The following MARCHF1 variants were observed in gnomAD, a reference collection of about 807,000 sequenced individuals.
MARCHF1 encodes E3 ubiquitin-protein ligase MARCHF1.
A neutral mutation model predicts 54.2 loss-of-function variants in MARCHF1; 40 were observed. The observed-to-expected ratio is 0.74, with a 90% confidence interval of 0.57 to 0.96. The LOEUF (loss-of-function observed/expected upper bound fraction) is 0.96. Ranked by LOEUF, MARCHF1 falls within the 40% of genes least tolerant of loss-of-function variation. MARCHF1 has a pLI of 0.00. For missense variants in MARCHF1, 586 were observed against 656.5 expected, an observed-to-expected ratio of 0.89 and a Z score of 1.17; for synonymous variants, 236 against 236.3, an observed-to-expected ratio of 1.00 and a Z score of 0.01.
chr4:163,587,820 A>T (rs11726386), intron 7 of MARCHF1, among the ~76,000 whole-genome samples: 48,299 of 148,530 alleles, frequency 0.33, 9,067 homozygotes, highest in Non-Finnish European at 0.42. Context: ...AAACTTTTTA[A>T]AAAAATCTAC....
At chr4:163,566,057 C>T (rs1431749347) in intron 8 of MARCHF1, among the ~76,000 whole-genome samples, 1 of 152,178 alleles carries the variant, frequency 6.6e-6, no homozygotes, top group Non-Finnish European at 1.5e-5. Context: ...GCAAGCACCC[C>T]TTTGTGGCAC....
intron 2 of MARCHF1, among the ~76,000 whole-genome samples, chr4:164,102,822 A>G (rs1755599373): frequency 7.5e-6 from 1 of 134,104 alleles, no homozygotes; most frequent in African/African-American, 3.0e-5. Context: ...AGACTGGCAA[A>G]TTGGATAAAG....
At chr4:164,250,030 A>T (rs1733078222) in intron 1 of MARCHF1, among the ~76,000 whole-genome samples, 1 of 152,096 alleles carries the variant, frequency 6.6e-6, no homozygotes, top group South Asian at 2.1e-4. Flanking sequence ...GAGGTAGTTG[A>T]AGTTATCTGC....
chr4:164,007,263 G>A lies in MARCHF1; in HGVS notation c.-247-18554C>T, dbSNP rs139413184. On this transcript the variant is annotated intron_variant, in intron 2 of 9. Coordinates refer to ENST00000514618, the MANE Select transcript of MARCHF1 (RefSeq NM_001394959.1). ...CGGGAGGCTGAGGCAGGAGAATGGCGTGAACCCGGGAAGCAGATCTGGCAG... is the reference window on the plus strand; with the variant it reads ...CGGGAGGCTGAGGCAGGAGAATGGCATGAACCCGGGAAGCAGATCTGGCAG... Among the ~76,000 whole-genome samples, 1,155 of 146,838 alleles carry A rather than the reference G, an allele frequency of 7.9e-3. 74 individuals are homozygous for A. In the East Asian group the frequency reaches 0.15, roughly 19 times the overall value.
At chr4:164,302,595 C>G (rs9790805) in intron 1 of MARCHF1, among the ~76,000 whole-genome samples, 62,590 of 151,870 alleles carry the variant, frequency 0.41, 14,488 homozygotes, top group African/African-American at 0.6. Flanking sequence ...AGAATAATTT[C>G]AGTTGGGCAC....
At chr4:164,313,349 A>C (rs1323715409) in intron 1 of MARCHF1, among the ~76,000 whole-genome samples, 1 of 106,146 alleles carries the variant, frequency 9.4e-6, no homozygotes, top group Non-Finnish European at 1.8e-5. Flanking sequence ...ACTCTGTCTC[A>C]AAAAAAAAAA....
intron 2 of MARCHF1, among the ~76,000 whole-genome samples, chr4:164,068,514 C>G (rs1754781094): frequency 6.6e-6 from 1 of 152,174 alleles, no homozygotes; most frequent in African/African-American, 2.4e-5. Flanking sequence ...CCCGCCGGCC[C>G]CGAGCAGTGA....
chr4:163,859,351 T>G (rs918970057), intron 3 of MARCHF1, among the ~76,000 whole-genome samples: 2 of 151,384 alleles, frequency 1.3e-5, no homozygotes, highest in African/African-American at 2.4e-5. Flanking sequence ...ATTGAGGCAG[T>G]GCAGAGAGAA....
At chr4:164,096,354 A>C (rs1018606894) in intron 2 of MARCHF1, among the ~76,000 whole-genome samples, 24 of 152,104 alleles carry the variant, frequency 1.6e-4, no homozygotes, top group African/African-American at 5.5e-4. Flanking sequence ...TTATAAATGG[A>C]AGCTAAATCT....
chr4:163,986,249 C>CCTTTTTTTTTTTTTTTTTTTTTTTTTTT (rs1752864138), intron 3 of MARCHF1, among the ~76,000 whole-genome samples: 2 of 28,830 alleles, frequency 6.9e-5, no homozygotes, highest in Non-Finnish European at 1.5e-4. Context: ...TTAACCTCTT[C>CCTTTTTTTTTTTTTTTTTTTTTTTTTTT]TTTTTTTTTT....
chr4:163,645,170 C>T (rs1742707119), intron 5 of MARCHF1, among the ~76,000 whole-genome samples: 1 of 152,182 alleles, frequency 6.6e-6, no homozygotes, highest in Non-Finnish European at 1.5e-5. Flanking sequence ...ACCAGCCCTA[C>T]AGACCAAGGT....
At chr4:164,263,138 GC>G (rs1733514090) in intron 1 of MARCHF1, among the ~76,000 whole-genome samples, 1 of 150,052 alleles carries the variant, frequency 6.7e-6, no homozygotes, top group Non-Finnish European at 1.5e-5. Context: ...GTGTACGCGT[GC>G]GTGTGTGTGT....
chr4:164,122,367 T>C (rs1195953339), intron 1 of MARCHF1, among the ~76,000 whole-genome samples: 1 of 152,112 alleles, frequency 6.6e-6, no homozygotes, highest in East Asian at 1.9e-4. Flanking sequence ...CAGACATAGA[T>C]ATTGGCATTT....
chr4:164,193,613 G>A (rs1001732971), intron 1 of MARCHF1, among the ~76,000 whole-genome samples: 7 of 152,030 alleles, frequency 4.6e-5, no homozygotes, highest in African/African-American at 1.7e-4. Context: ...TGGCCGCCTG[G>A]GCATTGACAA....
intron 2 of MARCHF1, among the ~76,000 whole-genome samples, chr4:163,992,778 A>G (rs1752992742): frequency 6.7e-6 from 1 of 148,510 alleles, no homozygotes; most frequent in Admixed American, 6.7e-5. Context: ...TATAAAATAT[A>G]AAATTATATT....
intron 1 of MARCHF1, among the ~76,000 whole-genome samples, chr4:164,345,917 G>T (rs1433954758): frequency 2.0e-5 from 3 of 151,968 alleles, no homozygotes; most frequent in African/African-American, 7.3e-5. Flanking sequence ...ATATACTAAA[G>T]CCCATTTTAA....
chr4:163,637,953 G>C (rs1397851050), intron 5 of MARCHF1, among the ~76,000 whole-genome samples: 1 of 151,120 alleles, frequency 6.6e-6, no homozygotes. Flanking sequence ...GGACATGGAT[G>C]AAATTGGAAA....
chr4:163,933,103 T>C (rs1751716363), intron 3 of MARCHF1: 1 of 1,282,882 alleles, frequency 7.8e-7, no homozygotes. Context: ...AAAACGGCTT[T>C]TGATGAGGCC....
chr4:163,969,294 AG>A (rs1752502791), intron 3 of MARCHF1, among the ~76,000 whole-genome samples: 2 of 152,214 alleles, frequency 1.3e-5, no homozygotes, highest in Admixed American at 6.5e-5. Context: ...AAAATGTAAA[AG>A]CAGCACCGTG....
Sources: allele counts gnomAD v4.1 joint callset (sites outside exome capture counted in the v4.1 genomes callset), GRCh38; gene constraint gnomAD v4.1.1; transcripts MANE v1.5; gene names NCBI Gene and HGNC (gene_info 2026-07-23, HGNC 2026-07-21).